Variants in SLC18B1 observed in about 807,000 individuals in gnomAD.
SLC18B1 encodes solute carrier family 18 member B1, also known as MFS-type transporter SLC18B1.
Under a neutral mutation model 53.9 loss-of-function variants are expected in SLC18B1, and 62 were observed. That is an observed-to-expected ratio of 1.15 (90% confidence interval 0.94 to 1.42). The LOEUF (loss-of-function observed/expected upper bound fraction) is 1.42. SLC18B1 is among the 40% of genes most tolerant of loss of function. The probability of loss-of-function intolerance (pLI) is 0.00; values close to 1 mark genes in which losing one functional copy is unlikely to be tolerated. For missense variants in SLC18B1, 598 were observed against 547.3 expected (o/e 1.09, Z -0.93); for synonymous variants, 217 against 200.9 (o/e 1.08, Z -0.68).
At chr6:132,778,944 T>C (rs1298439633) in intron 7 of SLC18B1, among the ~76,000 whole-genome samples, 6 of 152,264 alleles carry the variant, frequency 3.9e-5, no homozygotes, top group South Asian at 2.1e-4. Context: ...TAATGTCTCA[T>C]TGCAATTCAA....
rs1459680378 is a variant in SLC18B1 at position 132,792,228 on chromosome 6, A to AAAGAAAGG, written c.184-1957_184-1956insCCTTTCTT. 3.8e-3 allele frequency among the ~76,000 whole-genome samples: 4 copies of AAAGAAAGG among 1,062 alleles called. 1 individual carries two copies. The highest frequency in any genetic ancestry group is 0.016 in the African/African-American group (4 of 254). 0.7% of individuals were successfully genotyped at this position (1,062 alleles called of 152,430 possible). On this transcript the variant is annotated intron_variant, in intron 2 of 13. Coordinates refer to ENST00000275227, the MANE Select transcript of SLC18B1 (RefSeq NM_052831.3). The stretch of plus-strand genomic sequence containing the variant: ...GGGTGACAGAGCAAGACACTGTCAG[A>AAAGAAAGG]AAGAAAGAAAGAAAGAAAGAAAGAA...
chr6:132,771,004 A>G, intron 12 of SLC18B1, 32 bp downstream of exon 12: 1 of 1,609,802 alleles, frequency 6.2e-7, no homozygotes, highest in Non-Finnish European at 8.5e-7. Context: ...CACAAATATA[A>G]GGAAAATGCA....
chr6:132,796,780 G>A (rs1465148019), intron 2 of SLC18B1, among the ~76,000 whole-genome samples: 2 of 152,076 alleles, frequency 1.3e-5, no homozygotes, highest in African/African-American at 4.8e-5. Context: ...TACCTCCCAA[G>A]AAGATGTTCT....
At chr6:132,780,160 G>A (rs991507144) in intron 6 of SLC18B1, among the ~76,000 whole-genome samples, 9 of 151,128 alleles carry the variant, frequency 6.0e-5, no homozygotes, top group Non-Finnish European at 1.0e-4. Flanking sequence ...GTGCAGTTGT[G>A]TTATTACAGT....
chr6:132,797,619 C>CAAACAAAAACAA (rs1338295591), intron 1 of SLC18B1, among the ~76,000 whole-genome samples: 49 of 150,296 alleles, frequency 3.3e-4, no homozygotes, highest in South Asian at 2.7e-3. Flanking sequence ...ACAAAACAAA[C>CAAACAAAAACAA]AAACAAAAAC....
chr6:132,774,688 C>A (rs1444090150), intron 8 of SLC18B1, among the ~76,000 whole-genome samples: 8 of 152,102 alleles, frequency 5.3e-5, no homozygotes, highest in African/African-American at 1.4e-4. Context: ...GTGGGAAGAT[C>A]CCTTGAGCTC....
intron 2 of SLC18B1, among the ~76,000 whole-genome samples, chr6:132,792,225 C>CA (rs553756627): frequency 0.031 from 1,389 of 44,312 alleles, 109 homozygotes; most frequent in Middle Eastern, 0.1. Context: ...AAGACACTGT[C>CA]AGAAAGAAAG....
At chr6:132,796,330 G>A (rs1172209946) in intron 2 of SLC18B1, among the ~76,000 whole-genome samples, 1 of 140,114 alleles carries the variant, frequency 7.1e-6, no homozygotes, top group African/African-American at 2.8e-5. Flanking sequence ...ACTCCAGCCT[G>A]GGCGAGAGTG....
At chr6:132,790,116 C>A in intron 3 of SLC18B1, 61 bp downstream of exon 3, 1 of 1,275,740 alleles carries the variant, frequency 7.8e-7, no homozygotes. Context: ...GACTAGTAAA[C>A]GAAAATAATC....
intron 8 of SLC18B1, among the ~76,000 whole-genome samples, chr6:132,776,047 C>T (rs1286754596): frequency 1.3e-5 from 2 of 152,098 alleles, no homozygotes; most frequent in Non-Finnish European, 2.9e-5. Flanking sequence ...CCAGTCTGGA[C>T]GACAAAGTTG....
At chr6:132,772,941 A>G in intron 10 of SLC18B1, 52 bp downstream of exon 10, 2 of 1,312,296 alleles carry the variant, frequency 1.5e-6, no homozygotes, top group Non-Finnish European at 1.1e-6. Context: ...AAAGCCTGTG[A>G]TACTTACTAC....
rs1486106965 is a variant in SLC18B1, at chr6:132,773,017, A to G, written c.1061T>C (p.Phe354Ser). 1 of 1,613,812 alleles carries G rather than the reference A, an allele frequency of 6.2e-7. No homozygotes were observed. Among genetic ancestry groups the G allele is most frequent in the East Asian group, 2.2e-5 (1 of 44,860 alleles). Residue 354 changes from phenylalanine (F) to serine (S), a missense_variant, in exon 10 of 14, where the codon TTC becomes TCC. Phe to Ser is a radical substitution (Grantham distance 155). Transcript: ENST00000275227. The part of the protein sequence containing the change: ...LSAGMSIIPT[F>S]PEILSCAHEN... ...CTGTGCACAACTGAGAATTTCCGGG[A>G]AAGTTGGAATTATACTCATTCCAGC...
chr6:132,779,262 A>G lies in SLC18B1; in HGVS notation c.795+6T>C, dbSNP rs754179361. 9.3e-6 allele frequency: 15 copies of G among 1,613,738 alleles called. No homozygotes were observed. The highest frequency in any genetic ancestry group is 1.2e-5 in the Non-Finnish European group (14 of 1,179,710). On this transcript the variant is annotated splice_donor_region_variant and intron_variant, in intron 7 of 13. Transcript: ENST00000275227. ...TGCAGCACTCTTCAGCAATCAGGTAACTTACCTTCTCCAAAACAAAGAGAG... is the reference window on the plus strand; with the variant it reads ...TGCAGCACTCTTCAGCAATCAGGTAGCTTACCTTCTCCAAAACAAAGAGAG...
intron 1 of SLC18B1, among the ~76,000 whole-genome samples, chr6:132,798,000 A>AG (rs1459220818): frequency 6.6e-6 from 1 of 152,192 alleles, no homozygotes; most frequent in East Asian, 1.9e-4. Flanking sequence ...GCAGTCCAGA[A>AG]GGAAAAAAAA....
intron 13 of SLC18B1, 56 bp from the exon 14 acceptor site, chr6:132,770,392 A>G: frequency 1.4e-6 from 2 of 1,458,104 alleles, no homozygotes; most frequent in Non-Finnish European, 1.9e-6. Flanking sequence ...AAAAACAAAC[A>G]AACAAACAAA....
At chr6:132,785,938 AAAG>A (rs944336535) in intron 5 of SLC18B1, among the ~76,000 whole-genome samples, 3 of 151,730 alleles carry the variant, frequency 2.0e-5, no homozygotes, top group African/African-American at 7.3e-5. Context: ...AGAAAAAAGA[AAAG>A]AAAGAAAAAA....
chr6:132,781,877 T>C (rs1359013029), intron 6 of SLC18B1, among the ~76,000 whole-genome samples: 2 of 151,934 alleles, frequency 1.3e-5, no homozygotes, highest in African/African-American at 4.8e-5. Flanking sequence ...TTCCAGATCA[T>C]ATGACTCCTC....
intron 6 of SLC18B1, among the ~76,000 whole-genome samples, chr6:132,781,793 A>G (rs935712014): frequency 3.3e-5 from 5 of 151,882 alleles, no homozygotes; most frequent in African/African-American, 1.2e-4. Flanking sequence ...AAGAAAAAGA[A>G]AAACCTCCCA....
chr6:132,797,553 G>A (rs570479024), intron 1 of SLC18B1, among the ~76,000 whole-genome samples: 2 of 152,206 alleles, frequency 1.3e-5, no homozygotes, highest in East Asian at 3.9e-4. Context: ...AGCCAAGATC[G>A]CACCACTGCA....
Sources: allele counts gnomAD v4.1 joint callset (sites outside exome capture counted in the v4.1 genomes callset), GRCh38; gene constraint gnomAD v4.1.1; transcripts MANE v1.5; gene names NCBI Gene and HGNC (gene_info 2026-07-23, HGNC 2026-07-21).